TBC1D15: variants seen among roughly 807,000 people sequenced by gnomAD.
The protein encoded by TBC1D15 is TBC1 domain family member 15, also known as GAP for RAB7.
Under a neutral mutation model 95.4 loss-of-function variants are expected in TBC1D15, and 39 were observed. The ratio of observed to expected loss-of-function variants is 0.41; its 90% CI spans 0.32 to 0.53. The LOEUF is 0.53. Among genes scored for constraint, TBC1D15 ranks in the 20% least tolerant of loss-of-function variants. The pLI is 0.29. For missense variants in TBC1D15, 733 were observed against 794.3 expected (o/e 0.92, Z 0.93); for synonymous variants, 258 against 261.3 (o/e 0.99, Z 0.12).
chr12:71,896,457 TG>T, intron 8 of TBC1D15: 1 of 506,790 alleles, frequency 2.0e-6, no homozygotes, highest in African/African-American at 2.0e-5. Context: ...TACTGTATTC[TG>T]TAGTCTACTG....
chr12:71,893,334 T>G lies in TBC1D15; in HGVS notation c.657+10T>G. 6.3e-7 allele frequency: 1 copy of G among 1,584,860 alleles called. No homozygotes were observed. The highest frequency in any genetic ancestry group is 8.6e-7 in the Non-Finnish European group (1 of 1,157,084). ...ATATGGTTTAATACAAGTATGTTCC[T>G]TAAATCTATCCTGTATTATTCTGAC... On this transcript the variant is annotated intron_variant, in intron 6 of 16. Coordinates refer to ENST00000485960, the MANE Select transcript of TBC1D15 (RefSeq NM_001146213.3).
chr12:71,839,978 A>G (rs984909087), intron 1 of TBC1D15, among the ~76,000 whole-genome samples, 167 bp downstream of exon 1: 6 of 152,124 alleles, frequency 3.9e-5, no homozygotes, highest in Non-Finnish European at 8.8e-5. Flanking sequence ...CGAGAATGCC[A>G]GTTCAGCCGC....
chr12:71,840,666 C>T lies in TBC1D15; in HGVS notation c.30+855C>T, dbSNP rs1884735652. Among the ~76,000 whole-genome samples, 2 of 152,214 alleles carry T rather than the reference C, an allele frequency of 1.3e-5. 1 individual carries two copies. Among genetic ancestry groups the T allele is most frequent in the South Asian group, 4.1e-4 (2 of 4,834 alleles). On this transcript the variant is annotated intron_variant, in intron 1 of 16. Coordinates refer to ENST00000485960, the MANE Select transcript of TBC1D15 (RefSeq NM_001146213.3). ...AAACAGCTGGAATCAACTGAAGTGA[C>T]TCATCGAACACTAATGGTTGTTTAC...
At chr12:71,863,980 G>A (rs547316163) in intron 1 of TBC1D15, among the ~76,000 whole-genome samples, 1 of 151,162 alleles carries the variant, frequency 6.6e-6, no homozygotes, top group African/African-American at 2.4e-5. Flanking sequence ...GTTTCCTCAA[G>A]GTTATTATTT....
At chr12:71,878,990 TCA>T (rs1894566245) in intron 3 of TBC1D15, among the ~76,000 whole-genome samples, 1 of 152,186 alleles carries the variant, frequency 6.6e-6, no homozygotes, top group Non-Finnish European at 1.5e-5. Flanking sequence ...TAGTTTCTTT[TCA>T]TTCTTACTAA....
chr12:71,881,089 A>G (rs1201039778), intron 4 of TBC1D15, among the ~76,000 whole-genome samples: 1 of 152,180 alleles, frequency 6.6e-6, no homozygotes, highest in Non-Finnish European at 1.5e-5. Context: ...ACATAACAGC[A>G]TTTCAATGAC....
In TBC1D15 at chr12:71,872,931, T is replaced by C; in HGVS notation, c.132T>C (p.Asp44=). The C allele has an allele frequency of 6.2e-7, 1 of 1,602,458 alleles. No individual in the cohort carries two copies. Among genetic ancestry groups the C allele is most frequent in the Non-Finnish European group, 8.5e-7 (1 of 1,174,466 alleles). The change falls in exon 3 of 17, where the codon GAT becomes GAC. Residue 44 remains aspartate (D), a splice_region_variant and synonymous_variant. Transcript: ENST00000485960. The part of the protein sequence containing the change: ...ISGILRVLEK[D]AEVIVDWRPL... ...TAGTTCATAATTTCTTTCTCTAGGA[T>C]GCCGAAGTAATAGTGGACTGGAGAC...
chr12:71,854,040 A>G (rs1888455529), intron 1 of TBC1D15, among the ~76,000 whole-genome samples: 1 of 152,132 alleles, frequency 6.6e-6, no homozygotes, highest in Admixed American at 6.5e-5. Flanking sequence ...TTCTCCTGTG[A>G]ACTCTAGCTG....
At chr12:71,921,855 A>G (rs1005401073) in intron 16 of TBC1D15, among the ~76,000 whole-genome samples, 29 of 152,232 alleles carry the variant, frequency 1.9e-4, no homozygotes, top group African/African-American at 6.5e-4. Context: ...ACTCACTTAT[A>G]TTAGTCAAGT....
intron 1 of TBC1D15, among the ~76,000 whole-genome samples, chr12:71,844,630 T>G (rs1015881618): frequency 3.3e-5 from 5 of 152,208 alleles, no homozygotes; most frequent in African/African-American, 1.2e-4. Context: ...TGTAATTGTC[T>G]GTTTTCTTGT....
At chr12:71,905,700 C>T (rs929541889) in intron 10 of TBC1D15, among the ~76,000 whole-genome samples, 1 of 152,116 alleles carries the variant, frequency 6.6e-6, no homozygotes, top group Non-Finnish European at 1.5e-5. Context: ...TATTTGAGAA[C>T]TGTATCCACA....
chr12:71,917,433 C>T (rs1381436109), intron 12 of TBC1D15, among the ~76,000 whole-genome samples: 1 of 152,108 alleles, frequency 6.6e-6, no homozygotes, highest in Non-Finnish European at 1.5e-5. Flanking sequence ...AATAGTCAGT[C>T]TGCAGTTGCT....
rs893750024 is a variant in TBC1D15 at position 71,885,011 on chromosome 12, G to C, written c.544G>C (p.Val182Leu). 3 of 1,613,416 alleles carry C rather than the reference G, an allele frequency of 1.9e-6. No individual in the cohort carries two copies. The highest frequency in any genetic ancestry group is 2.5e-6 in the Non-Finnish European group (3 of 1,179,618). The change falls in exon 5 of 17, where the codon GTA (valine) becomes CTA (leucine). Residue 182 changes from valine (V) to leucine (L), a missense_variant. Transcript: ENST00000485960. ...LLIESLEKYV[V>L]LCESPQDKRT... ...GATTGAATCTCTTGAAAAATATGTG[G>C]TATTGTGTGAGTAAGTATCATATTA...
At position 71,880,515 on chromosome 12, in the gene TBC1D15, G is replaced by T. The variant is rs1338305702; in HGVS notation, c.251G>T (p.Gly84Val). The part of the protein sequence containing the change: ...VEWTQAPKER[G>V]HRGSEHLNSY... ...TGGACTCAGGCCCCAAAAGAAAGAG[G>T]TCATCGAGGATCAGAACATCTGAAC... The change falls in exon 4 of 17, where the codon GGT becomes GTT. Residue 84 changes from glycine (G) to valine (V), a missense_variant. By Grantham distance (109) the Gly-to-Val change is moderately radical. Transcript: ENST00000485960. 7 of 1,612,178 alleles carry T rather than the reference G, an allele frequency of 4.3e-6. No individual in the cohort carries two copies. Among genetic ancestry groups the T allele is most frequent in the Non-Finnish European group, 5.1e-6 (6 of 1,178,892 alleles).
At chr12:71,871,458 T>C (rs886516121) in intron 1 of TBC1D15, among the ~76,000 whole-genome samples, 3 of 152,246 alleles carry the variant, frequency 2.0e-5, no homozygotes, top group Admixed American at 2.0e-4. Context: ...TGTGCTATTA[T>C]GGGAATAGTT....
chr12:71,875,200 A>G (rs547982360), intron 3 of TBC1D15, among the ~76,000 whole-genome samples: 1 of 152,250 alleles, frequency 6.6e-6, no homozygotes, highest in East Asian at 1.9e-4. Flanking sequence ...TGGCCTCCCA[A>G]AGTGCTGGCA....
At chr12:71,845,976 T>G (rs771496599) in intron 1 of TBC1D15, among the ~76,000 whole-genome samples, 2 of 151,766 alleles carry the variant, frequency 1.3e-5, no homozygotes, top group Admixed American at 6.6e-5. Context: ...TTGTGAAACT[T>G]CCTTATTTTT....
intron 4 of TBC1D15, among the ~76,000 whole-genome samples, chr12:71,883,658 T>C (rs781285463): frequency 6.6e-6 from 1 of 152,148 alleles, no homozygotes; most frequent in Admixed American, 6.5e-5. Flanking sequence ...AACTTCCTTC[T>C]AAGTAGTTTA....
At chr12:71,913,660 C>G (rs1249371024) in intron 11 of TBC1D15, 166 bp from the exon 12 acceptor site, 2 of 534,786 alleles carry the variant, frequency 3.7e-6, no homozygotes, top group Non-Finnish European at 6.5e-6. Flanking sequence ...GACTAGAGTT[C>G]CTCCTCTTCA....
Sources: gnomAD v4.1 joint callset for allele counts (sites outside exome capture counted in the v4.1 genomes callset) on GRCh38, gnomAD v4.1.1 for gene constraint, MANE v1.5 for transcripts, NCBI Gene and HGNC (gene_info 2026-07-23, HGNC 2026-07-21) for gene names.